B3GALT1: variants seen among roughly 807,000 people sequenced by gnomAD.
B3GALT1 encodes beta-1,3-galactosyltransferase 1.
A neutral mutation model predicts 23.2 loss-of-function variants in B3GALT1; 10 were observed. The ratio of observed to expected loss-of-function variants is 0.43; its 90% CI spans 0.27 to 0.73. B3GALT1 has a LOEUF of 0.73. Ranked by LOEUF, B3GALT1 falls within the 30% of genes least tolerant of loss-of-function variation. The probability of loss-of-function intolerance (pLI) is 0.21; values close to 1 mark genes in which losing one functional copy is unlikely to be tolerated. For synonymous variants in B3GALT1, 156 were observed against 141.5 expected (o/e 1.10, Z -0.73); for missense variants, 299 against 405.4 (o/e 0.74, Z 2.25).
chr2:167,824,313 A>G (rs1425572121), intron 4 of B3GALT1, among the ~76,000 whole-genome samples: 1 of 152,230 alleles, frequency 6.6e-6, no homozygotes, highest in Non-Finnish European at 1.5e-5. Flanking sequence ...TAGAAAGATC[A>G]CTATAGCTGG....
At position 167,545,096 on chromosome 2, in the gene B3GALT1, A is replaced by G. The variant is rs555149577; in HGVS notation, c.-410+54819A>G. On this transcript the variant is annotated intron_variant, in intron 2 of 4. Transcript: ENST00000392690. ...GTCGCCCAGGCTGGAGTGCAGTGGC[A>G]CGATCTCTACTCACTGCAAGCTCTG... Among the ~76,000 whole-genome samples, 67 of 119,102 alleles carry G rather than the reference A, an allele frequency of 5.6e-4. 1 individual carries two copies. Among genetic ancestry groups the G allele is most frequent in the South Asian group, 3.7e-3 (13 of 3,486 alleles). The allele number at this position is 119,102 out of a possible 152,430, so 78.1% of individuals were successfully genotyped here.
intron 2 of B3GALT1, among the ~76,000 whole-genome samples, chr2:167,642,956 C>T (rs1321301672): frequency 6.6e-6 from 1 of 152,112 alleles, no homozygotes; most frequent in Non-Finnish European, 1.5e-5. Context: ...TCAGAGGACT[C>T]ATCCTGCATT....
intron 2 of B3GALT1, among the ~76,000 whole-genome samples, chr2:167,566,253 A>G (rs930770264): frequency 5.3e-5 from 8 of 150,840 alleles, no homozygotes; most frequent in African/African-American, 1.0e-4. Flanking sequence ...TCGCAAGGAG[A>G]AAAAACCAAA....
chr2:167,614,749 TAATGCA>T (rs1009080551), intron 2 of B3GALT1, among the ~76,000 whole-genome samples: 4 of 152,036 alleles, frequency 2.6e-5, no homozygotes, highest in Admixed American at 6.6e-5. Flanking sequence ...TTTATAATTA[TAATGCA>T]AATGCAAATG....
intron 4 of B3GALT1, among the ~76,000 whole-genome samples, chr2:167,822,916 C>T (rs1689138758): frequency 6.6e-6 from 1 of 152,204 alleles, no homozygotes; most frequent in Non-Finnish European, 1.5e-5. Context: ...GATGTGTTTT[C>T]TCTTTTTTCT....
intron 3 of B3GALT1, among the ~76,000 whole-genome samples, chr2:167,748,366 A>G (rs1687683375): frequency 6.6e-6 from 1 of 152,088 alleles, no homozygotes; most frequent in African/African-American, 2.4e-5. Context: ...ATTGATGAAA[A>G]GAATTTCTGT....
intron 3 of B3GALT1, among the ~76,000 whole-genome samples, chr2:167,672,913 AT>A (rs1482689826): frequency 6.6e-6 from 1 of 151,822 alleles, no homozygotes; most frequent in African/African-American, 2.4e-5. Context: ...TTCAGACCTC[AT>A]TGAAGGCCTG....
chr2:167,294,499 C>T (rs1696316851), intron 1 of B3GALT1, among the ~76,000 whole-genome samples: 1 of 152,258 alleles, frequency 6.6e-6, no homozygotes, highest in South Asian at 2.1e-4. Flanking sequence ...AGATCCGAAT[C>T]TCCGTAGTTC....
At chr2:167,440,320 G>A (rs1215449131) in intron 1 of B3GALT1, among the ~76,000 whole-genome samples, 1 of 145,554 alleles carries the variant, frequency 6.9e-6, no homozygotes, top group Non-Finnish European at 1.5e-5. Flanking sequence ...ACTCCATCCT[G>A]GGTAACAGAG....
intron 3 of B3GALT1, among the ~76,000 whole-genome samples, chr2:167,783,670 G>A (rs1688286621): frequency 6.6e-6 from 1 of 152,182 alleles, no homozygotes; most frequent in Non-Finnish European, 1.5e-5. Context: ...GGAAACTCTG[G>A]GATCCTGTCC....
At chr2:167,399,243 G>A (rs541205933) in intron 1 of B3GALT1, among the ~76,000 whole-genome samples, 5 of 152,050 alleles carry the variant, frequency 3.3e-5, no homozygotes, top group African/African-American at 9.7e-5. Context: ...AGAAGCCTCC[G>A]ACTAGAAAAC....
chr2:167,329,893 T>G (rs1389400654), intron 1 of B3GALT1, among the ~76,000 whole-genome samples: 1 of 152,126 alleles, frequency 6.6e-6, no homozygotes, highest in African/African-American at 2.4e-5. Flanking sequence ...AGAAATCTGC[T>G]GTTAGTCTGA....
intron 2 of B3GALT1, among the ~76,000 whole-genome samples, chr2:167,523,647 A>T (rs1242635895): frequency 2.6e-5 from 4 of 152,030 alleles, no homozygotes; most frequent in Non-Finnish European, 4.4e-5. Flanking sequence ...CTGGTCTCGA[A>T]CACCTAACCT....
chr2:167,685,016 A>T (rs569454865), intron 3 of B3GALT1, among the ~76,000 whole-genome samples: 1 of 152,340 alleles, frequency 6.6e-6, no homozygotes, highest in South Asian at 2.1e-4. Context: ...AACTGTGGAA[A>T]TAAGGATAAT....
intron 1 of B3GALT1, among the ~76,000 whole-genome samples, chr2:167,298,399 G>C (rs1696391085): frequency 6.6e-6 from 1 of 152,052 alleles, no homozygotes; most frequent in Non-Finnish European, 1.5e-5. Context: ...CTACTAGTTT[G>C]TGCATTTTAT....
intron 1 of B3GALT1, among the ~76,000 whole-genome samples, chr2:167,367,176 G>A (rs1166681154): frequency 2.6e-5 from 4 of 152,082 alleles, no homozygotes; most frequent in South Asian, 2.1e-4. Flanking sequence ...AACAAGTCAC[G>A]TATTTACAAA....
chr2:167,672,793 A>C (rs1268080993), intron 3 of B3GALT1, among the ~76,000 whole-genome samples: 1 of 152,162 alleles, frequency 6.6e-6, no homozygotes, highest in Non-Finnish European at 1.5e-5. Flanking sequence ...AGAAATGGTC[A>C]CAAGGTACTA....
chr2:167,870,146 T>A lies in B3GALT1; in HGVS notation c.*126T>A. ...GTTTTGTAAAGTTTTTGCTTCCTGC[T>A]ATAAGTTCTTTTCTTGGATTACCAA... On this transcript the variant is annotated 3_prime_UTR_variant, in exon 5 of 5. Coordinates refer to ENST00000392690, the MANE Select transcript of B3GALT1 (RefSeq NM_020981.4). 2 of 1,003,664 alleles carry A rather than the reference T, an allele frequency of 2.0e-6. No individual in the cohort carries two copies. The highest frequency in any genetic ancestry group is 2.8e-6 in the Non-Finnish European group (2 of 703,420). 62.2% of individuals were successfully genotyped at this position (1,003,664 alleles called of 1,614,324 possible). A position where few individuals can be genotyped will look rare whatever the true frequency, so the allele number is the denominator to read the frequency against.
intron 1 of B3GALT1, among the ~76,000 whole-genome samples, chr2:167,446,268 C>G (rs529220837): frequency 2.0e-5 from 3 of 152,186 alleles, no homozygotes; most frequent in Admixed American, 2.0e-4. Flanking sequence ...TGTGGGTAAC[C>G]TGACCTTACT....
Sources: gnomAD v4.1 joint callset for allele counts (sites outside exome capture counted in the v4.1 genomes callset) on GRCh38, gnomAD v4.1.1 for gene constraint, MANE v1.5 for transcripts, NCBI Gene and HGNC (gene_info 2026-07-23, HGNC 2026-07-21) for gene names.